Variants in SI observed in about 807,000 individuals in gnomAD.
SI encodes sucrase-isomaltase, intestinal.
In SI, 235 loss-of-function variants were observed where a neutral mutation model predicts 253.3. The ratio of observed to expected loss-of-function variants is 0.93; its 90% CI spans 0.83 to 1.03. The LOEUF is 1.03. Ranked by LOEUF, SI falls within the 50% of genes least tolerant of loss-of-function variation. The pLI, the probability that SI is intolerant of heterozygous loss-of-function variation, is 0.00. For missense variants in SI, 2,442 were observed against 2,211.1 expected (o/e 1.10, Z -2.09); for synonymous variants, 819 against 712.0 (o/e 1.15, Z -2.39).
chr3:165,024,231 A>G (rs1358315696), intron 25 of SI, among the ~76,000 whole-genome samples: 3 of 151,240 alleles, frequency 2.0e-5, no homozygotes, highest in Admixed American at 1.3e-4. Context: ...TTTTTTTAAC[A>G]TGTTCTTATA....
intron 44 of SI, among the ~76,000 whole-genome samples, chr3:164,990,127 CG>C: frequency 1.3e-5 from 2 of 151,970 alleles, no homozygotes; most frequent in Non-Finnish European, 2.9e-5. Flanking sequence ...GCTACTTTTA[CG>C]GGGGGTGTTG....
rs377210825 is a variant in SI at position 165,063,529 on chromosome 3, A to G, written c.820T>C (p.Leu274=). Residue 274 remains leucine (L), a synonymous_variant, in exon 8 of 48, where the codon TTA becomes CTA. Transcript: ENST00000264382. ...DQLPGDNNNN[L]YGHQTFFMCI... Reference sequence around the variant, plus strand: ...ATAAAGAATGTTTGATGGCCGTATAAATTATTATTATTCTATAAGGCAAGA... The same window carrying G: ...ATAAAGAATGTTTGATGGCCGTATAGATTATTATTATTCTATAAGGCAAGA... 3.0e-5 allele frequency: 44 copies of G among 1,448,850 alleles called. 1 individual carries two copies. In the South Asian group the frequency reaches 3.9e-4, roughly 13 times the overall value. The allele number at this position is 1,448,850 out of a possible 1,614,324, so 89.7% of individuals were successfully genotyped here.
intron 24 of SI, among the ~76,000 whole-genome samples, chr3:165,031,978 C>A (rs1355664525): frequency 2.0e-5 from 3 of 150,972 alleles, no homozygotes; most frequent in Non-Finnish European, 4.5e-5. Flanking sequence ...CTCTATACTA[C>A]AACTGTAAAA....
chr3:165,050,884 AT>A (rs1713390039), intron 13 of SI, among the ~76,000 whole-genome samples: 1 of 151,854 alleles, frequency 6.6e-6, no homozygotes, highest in Admixed American at 6.6e-5. Context: ...TCAGCTTTCA[AT>A]CCTCCCTTTA....
In SI at chr3:165,046,947, G is replaced by C; in HGVS notation, c.1781C>G (p.Ser594Cys). 1 of 1,612,532 alleles carries C rather than the reference G, an allele frequency of 6.2e-7. No homozygotes were observed. Among genetic ancestry groups the C allele is most frequent in the Non-Finnish European group, 8.5e-7 (1 of 1,179,210 alleles). The change falls in exon 16 of 48, where the codon TCT (serine) becomes TGT (cysteine). Residue 594 changes from serine (S) to cysteine (C), a missense_variant. Transcript: ENST00000264382. The stretch of plus-strand genomic sequence containing the variant: ...TAACCAATGCGCAGCATGTCTTCCA[G>C]ATCCAGCAAATGTTGAGCGGGTAAG... Reference protein sequence around the residue: ...FILTRSTFAGSGRHAAHWLGD... With the variant: ...FILTRSTFAGCGRHAAHWLGD...
intron 47 of SI, among the ~76,000 whole-genome samples, chr3:164,980,281 G>A (rs914802047): frequency 4.6e-5 from 7 of 151,810 alleles, no homozygotes; most frequent in Non-Finnish European, 7.4e-5. Context: ...TTGAGTATTC[G>A]TTAGACAGGT....
In SI at chr3:165,062,473, G is replaced by T; in HGVS notation, c.918C>A (p.Ile306=). 5 of 1,573,594 alleles carry T rather than the reference G, an allele frequency of 3.2e-6. No individual in the cohort carries two copies. Among genetic ancestry groups the T allele is most frequent in the Non-Finnish European group, 4.4e-6 (5 of 1,144,252 alleles). ...TATATGTTACTATTGGAGTAGGCTG[G>T]ATAAAAATCTCTGCAAAATAAAATT... The part of the protein sequence containing the change: ...LMNSNAMEIF[I]QPTPIVTYRV... Residue 306 remains isoleucine, a synonymous_variant, in exon 9 of 48, where the codon ATC becomes ATA. Coordinates refer to ENST00000264382, the MANE Select transcript of SI (RefSeq NM_001041.4).
At chr3:165,048,536 C>T (rs1044101405) in intron 15 of SI, among the ~76,000 whole-genome samples, 1 of 141,736 alleles carries the variant, frequency 7.1e-6, no homozygotes, top group South Asian at 2.2e-4. Context: ...AAAAAAGAGT[C>T]TTAGTTAAAT....
chr3:165,034,454 T>C (rs1712417615), intron 22 of SI, among the ~76,000 whole-genome samples: 1 of 151,954 alleles, frequency 6.6e-6, no homozygotes. Context: ...TCAACATTGT[T>C]TGATTGATGA....
rs200526905 is a variant in SI at position 165,059,315 on chromosome 3, T to A, written c.1147-16A>T. 7.3e-5 allele frequency: 118 copies of A among 1,610,678 alleles called. No individual in the cohort carries two copies. In the African/African-American group the frequency reaches 1.5e-3, roughly 20 times the overall value. On this transcript the variant is annotated splice_polypyrimidine_tract_variant and intron_variant, in intron 10 of 47. Transcript: ENST00000264382. ...CCTGTGTATCCTGAAAGTTAGAAGATTGTATTTCAATACATAGTACTGAAA... is the reference window on the plus strand; with the variant it reads ...CCTGTGTATCCTGAAAGTTAGAAGAATGTATTTCAATACATAGTACTGAAA...
intron 31 of SI, among the ~76,000 whole-genome samples, 191 bp downstream of exon 31, chr3:165,017,357 G>A (rs1719086839): frequency 6.6e-6 from 1 of 151,716 alleles, no homozygotes; most frequent in Admixed American, 6.6e-5. Flanking sequence ...GAAAAGGAAT[G>A]GTATTTCTTC....
intron 25 of SI, among the ~76,000 whole-genome samples, chr3:165,027,213 A>G (rs1711975367): frequency 1.3e-5 from 2 of 151,322 alleles, no homozygotes; most frequent in Admixed American, 1.3e-4. Context: ...TAGATGACCT[A>G]GAAGAGATGG....
At chr3:165,073,720 A>C (rs930185315) in intron 3 of SI, among the ~76,000 whole-genome samples, 29 of 152,184 alleles carry the variant, frequency 1.9e-4, no homozygotes, top group African/African-American at 7.0e-4. Context: ...GGAACAAAAA[A>C]TATCAACATG....
chr3:165,073,363 C>T (rs1177881983), intron 3 of SI, among the ~76,000 whole-genome samples: 1 of 152,030 alleles, frequency 6.6e-6, no homozygotes, highest in Non-Finnish European at 1.5e-5. Context: ...GGCCACTTTC[C>T]TCAGTGTATC....
In SI at chr3:164,982,482, G is replaced by A. The variant is rs920139108; in HGVS notation, c.5248-72C>T. 7.3e-4 allele frequency: 809 copies of A among 1,107,802 alleles called. 14 individuals carry two copies. Among genetic ancestry groups the A allele is most frequent in the Non-Finnish European group, 1.5e-4 (112 of 737,566 alleles). The allele number at this position is 1,107,802 out of a possible 1,614,324, so 68.6% of individuals were successfully genotyped here. A position where few individuals can be genotyped will look rare whatever the true frequency, so the allele number is the denominator to read the frequency against. ...GCAATTAAAACTTTAAAAATATGTCGGTTAACCAAAAATGTATTTCGTAGT... is the reference window on the plus strand; with the variant it reads ...GCAATTAAAACTTTAAAAATATGTCAGTTAACCAAAAATGTATTTCGTAGT... On this transcript the variant is annotated intron_variant, in intron 46 of 47. Coordinates refer to ENST00000264382, the MANE Select transcript of SI (RefSeq NM_001041.4).
In SI at chr3:165,076,073, A is replaced by C. The variant is rs1714954698; in HGVS notation, c.1-61T>G. On this transcript the variant is annotated intron_variant, in intron 1 of 47. Coordinates refer to ENST00000264382, the MANE Select transcript of SI (RefSeq NM_001041.4). The stretch of plus-strand genomic sequence containing the variant: ...AATATATAACTATAATAAACCACCA[A>C]CAATTCTCATGAAATTACATATTCT... 7 of 1,167,578 alleles carry C rather than the reference A, an allele frequency of 6.0e-6. No individual in the cohort carries two copies. The East Asian group carries it at 7.9e-5, about 13-fold the overall frequency. 72.3% of individuals were successfully genotyped at this position (1,167,578 alleles called of 1,614,324 possible). A position where few individuals can be genotyped will look rare whatever the true frequency, so the allele number is the denominator to read the frequency against.
intron 19 of SI, 74 bp downstream of exon 19, chr3:165,039,813 G>C (rs1389950005): frequency 2.0e-6 from 2 of 1,003,344 alleles, no homozygotes; most frequent in Non-Finnish European, 3.2e-6. Flanking sequence ...CTATTATTCA[G>C]ATGTTTTGTA....
chr3:165,060,821 T>C (rs938799326), intron 9 of SI, among the ~76,000 whole-genome samples: 1 of 146,978 alleles, frequency 6.8e-6, no homozygotes, highest in Non-Finnish European at 1.5e-5. Context: ...ACATATCATA[T>C]ATATATTATA....
rs114225547 is a variant in SI, at chr3:164,989,563, G to T, written c.5108+1790C>A. Among the ~76,000 whole-genome samples, 784 of 152,122 alleles carry T rather than the reference G, an allele frequency of 5.2e-3. 4 individuals are homozygous for T. Among genetic ancestry groups the T allele is most frequent in the African/African-American group, 0.018 (744 of 41,520 alleles). On this transcript the variant is annotated intron_variant, in intron 44 of 47. Coordinates refer to ENST00000264382, the MANE Select transcript of SI (RefSeq NM_001041.4). ...CAGCAGGACACTTAGTAGTTTGATGGAGTAGTGATACTGCCAGTGAATGTC... is the reference window on the plus strand; with the variant it reads ...CAGCAGGACACTTAGTAGTTTGATGTAGTAGTGATACTGCCAGTGAATGTC...
Sources: allele counts gnomAD v4.1 joint callset (sites outside exome capture counted in the v4.1 genomes callset), GRCh38; gene constraint gnomAD v4.1.1; transcripts MANE v1.5; gene names NCBI Gene and HGNC (gene_info 2026-07-23, HGNC 2026-07-21).